SHB: variants seen among roughly 807,000 people sequenced by gnomAD.
SHB encodes the protein SH2 domain containing adaptor protein B, also known as SH2 domain-containing adapter protein B.
A neutral mutation model predicts 52.3 loss-of-function variants in SHB; 20 were observed. The ratio of observed to expected loss-of-function variants is 0.38; its 90% CI spans 0.27 to 0.56. The LOEUF is 0.56. SHB is among the 20% of genes least tolerant of loss of function. The probability of loss-of-function intolerance (pLI) is 0.71; values close to 1 mark genes in which losing one functional copy is unlikely to be tolerated. For missense variants in SHB, 825 were observed against 723.3 expected, an observed-to-expected ratio of 1.14 and a Z score of -1.61; for synonymous variants, 397 against 316.5, an observed-to-expected ratio of 1.25 and a Z score of -2.70.
intron 2 of SHB, among the ~76,000 whole-genome samples, chr9:37,977,657 A>C (rs1049080009): frequency 6.6e-6 from 1 of 152,328 alleles, no homozygotes; most frequent in South Asian, 2.1e-4. Flanking sequence ...CAACTTCGTA[A>C]ATCACTAAAT....
chr9:38,013,885 G>A (rs374725340), intron 2 of SHB, among the ~76,000 whole-genome samples: 2 of 152,088 alleles, frequency 1.3e-5, no homozygotes, highest in Non-Finnish European at 2.9e-5. Flanking sequence ...CTATTGGTGC[G>A]ACTCCAGGAA....
intron 1 of SHB, among the ~76,000 whole-genome samples, chr9:38,036,920 G>C (rs1253748296): frequency 6.6e-6 from 1 of 152,186 alleles, no homozygotes; most frequent in Non-Finnish European, 1.5e-5. Context: ...AAGTTGCAGA[G>C]CCCTGACTCA....
chr9:37,919,920 A>G lies in SHB; in HGVS notation c.1431T>C (p.Ser477=), dbSNP rs769951583. Residue 477 remains serine (S), a synonymous_variant, in exon 6 of 6, where the codon AGT becomes AGC. Coordinates refer to ENST00000377707, the MANE Select transcript of SHB (RefSeq NM_003028.3). ...VLGQNSPPFD[S]VPEVIHYYTT... Reference sequence around the variant, plus strand: ...TGTAGTAGTGGATGACTTCCGGGACACTGTCGAACGGAGGGCTGTTCTGAC... The same window carrying G: ...TGTAGTAGTGGATGACTTCCGGGACGCTGTCGAACGGAGGGCTGTTCTGAC... 20 of 1,614,070 alleles carry G rather than the reference A, an allele frequency of 1.2e-5. No individual in the cohort carries two copies. In the East Asian group the frequency reaches 4.2e-4, roughly 34 times the overall value.
chr9:37,946,539 C>T (rs900254966), intron 5 of SHB, among the ~76,000 whole-genome samples: 1 of 152,204 alleles, frequency 6.6e-6, no homozygotes, highest in African/African-American at 2.4e-5. Context: ...GCTGTTCCCT[C>T]GAAGGCAGGT....
intron 4 of SHB, among the ~76,000 whole-genome samples, chr9:37,949,876 T>G (rs1375718008): frequency 1.3e-5 from 2 of 151,678 alleles, no homozygotes; most frequent in African/African-American, 4.8e-5. Context: ...AGGGGAGGAG[T>G]GCCGTGCAGA....
chr9:37,975,834 T>C (rs1171132862), intron 2 of SHB, among the ~76,000 whole-genome samples: 1 of 151,850 alleles, frequency 6.6e-6, no homozygotes, highest in African/African-American at 2.4e-5. Context: ...GGGGGCTCAG[T>C]GTAGGGCCTG....
intron 2 of SHB, among the ~76,000 whole-genome samples, chr9:37,984,152 CCATT>C: frequency 6.6e-6 from 1 of 152,290 alleles, no homozygotes; most frequent in Non-Finnish European, 1.5e-5. Flanking sequence ...GTGAATATTG[CCATT>C]TCAACGACCA....
chr9:37,969,840 T>C (rs1056004770), intron 3 of SHB, among the ~76,000 whole-genome samples: 2 of 152,186 alleles, frequency 1.3e-5, no homozygotes, highest in Admixed American at 1.3e-4. Flanking sequence ...CTTCCCAACA[T>C]TGGGCAGGGG....
At chr9:37,935,283 G>T (rs776193467) in intron 5 of SHB, among the ~76,000 whole-genome samples, 4 of 152,098 alleles carry the variant, frequency 2.6e-5, no homozygotes, top group African/African-American at 7.2e-5. Context: ...CTCTGCAGAC[G>T]CCTGTTCAAG....
intron 2 of SHB, among the ~76,000 whole-genome samples, chr9:38,009,341 C>T (rs187363640): frequency 6.6e-6 from 1 of 152,354 alleles, no homozygotes; most frequent in Non-Finnish European, 1.5e-5. Context: ...AGAACCAGGC[C>T]TGACAAGGGC....
intron 3 of SHB, among the ~76,000 whole-genome samples, chr9:37,958,516 T>G (rs1169585045): frequency 6.6e-6 from 1 of 152,206 alleles, no homozygotes; most frequent in East Asian, 1.9e-4. Context: ...ATGCCAGGGC[T>G]GGTGGTGTGG....
chr9:37,970,029 G>C (rs971524362), intron 3 of SHB, among the ~76,000 whole-genome samples: 3 of 152,356 alleles, frequency 2.0e-5, no homozygotes, highest in Middle Eastern at 3.4e-3. Context: ...TGGTGTCTCT[G>C]CCGGGTGGGA....
chr9:38,046,085 G>A (rs570534421), intron 1 of SHB, among the ~76,000 whole-genome samples: 2 of 152,248 alleles, frequency 1.3e-5, no homozygotes, highest in African/African-American at 4.8e-5. Flanking sequence ...AAATTAGCCA[G>A]GCGTGGTGGT....
chr9:37,924,777 G>C (rs916073034), intron 5 of SHB, among the ~76,000 whole-genome samples: 4 of 152,188 alleles, frequency 2.6e-5, no homozygotes, highest in Non-Finnish European at 4.4e-5. Flanking sequence ...ACTTTAAGTT[G>C]TTAGAATGAT....
chr9:38,052,845 C>T (rs561841511), intron 1 of SHB, among the ~76,000 whole-genome samples: 1 of 152,340 alleles, frequency 6.6e-6, no homozygotes, highest in African/African-American at 2.4e-5. Context: ...CAGAGGGCCC[C>T]TCTCCCGGGA....
At chr9:38,001,172 C>T (rs180993576) in intron 2 of SHB, among the ~76,000 whole-genome samples, 2 of 152,278 alleles carry the variant, frequency 1.3e-5, no homozygotes, top group East Asian at 1.9e-4. Flanking sequence ...GGCAAGAAAG[C>T]ACTTGCATGG....
chr9:38,004,485 G>T (rs982859116), intron 2 of SHB, among the ~76,000 whole-genome samples: 1 of 152,178 alleles, frequency 6.6e-6, no homozygotes, highest in Non-Finnish European at 1.5e-5. Context: ...GGCAAAGGTG[G>T]GGGGACCAGG....
At chr9:38,022,229 T>C (rs893881500) in intron 1 of SHB, among the ~76,000 whole-genome samples, 15 of 152,168 alleles carry the variant, frequency 9.9e-5, no homozygotes, top group Non-Finnish European at 1.8e-4. Context: ...GAGCACATCA[T>C]AGGAAGGTCA....
chr9:37,983,778 CG>C (rs1820769515), intron 2 of SHB, among the ~76,000 whole-genome samples: 1 of 152,224 alleles, frequency 6.6e-6, no homozygotes, highest in East Asian at 1.9e-4. Context: ...GTGCCCGAGA[CG>C]CCAGGGTTGC....
Sources: gnomAD v4.1 joint callset for allele counts (sites outside exome capture counted in the v4.1 genomes callset) on GRCh38, gnomAD v4.1.1 for gene constraint, MANE v1.5 for transcripts, NCBI Gene and HGNC (gene_info 2026-07-23, HGNC 2026-07-21) for gene names.